Variants in SBF1 observed in about 807,000 individuals in gnomAD.
The protein encoded by SBF1 is myotubularin-related protein 5.
Under a neutral mutation model 215.8 loss-of-function variants are expected in SBF1, and 65 were observed. The observed-to-expected ratio is 0.30, with a 90% CI of 0.25 to 0.37. The LOEUF (loss-of-function observed/expected upper bound fraction) is 0.37, where lower values mean the gene tolerates loss of function less well. Among genes scored for constraint, SBF1 ranks in the 10% least tolerant of loss-of-function variants. The pLI is 1.00. For synonymous variants in SBF1, 1,410 were observed against 1,122.8 expected, an observed-to-expected ratio of 1.26 and a Z score of -5.11; for missense variants, 2,634 against 2,667.8, an observed-to-expected ratio of 0.99 and a Z score of 0.28.
At position 50,460,061 on chromosome 22, in the gene SBF1, G is replaced by A. The variant is rs747913842; in HGVS notation, c.3382C>T (p.Arg1128Cys). ...CCCAGACCGAGGCGCTGGTAGTCGC[G>A]ACAGCAAGCCCTTTCCACCAGGCTG... is the stretch of plus-strand genomic sequence containing the variant. ...MSSLVERACC[R>C]DYQRLGLGTL... The change falls in exon 26 of 41, where the codon CGC (arginine) becomes TGC (cysteine). Residue 1128 changes from arginine (R) to cysteine (C), a missense_variant. Transcript: ENST00000380817. 10 of 1,613,842 alleles carry A rather than the reference G, an allele frequency of 6.2e-6. No homozygotes were observed. The highest frequency in any genetic ancestry group is 5.9e-6 in the Non-Finnish European group (7 of 1,179,984).
rs756241658 is a variant in SBF1, at chr22:50,447,157, G to A, written c.5667C>T (p.Cys1889=). The part of the protein sequence containing the change: ...AQQWVDRIQS[C]LSDA ...GCTGGGAGGCTCAGGCGTCCGACAGGCAGCTCTGGATCCGGTCCACCCACT... is the reference window on the plus strand; with the variant it reads ...GCTGGGAGGCTCAGGCGTCCGACAGACAGCTCTGGATCCGGTCCACCCACT... Residue 1889 remains cysteine, a synonymous_variant, in exon 41 of 41, where the codon TGC becomes TGT. Coordinates refer to ENST00000380817, the MANE Select transcript of SBF1 (RefSeq NM_002972.4). 10 of 1,612,680 alleles carry A rather than the reference G, an allele frequency of 6.2e-6. No homozygotes were observed. In the Admixed American group the frequency reaches 1.7e-4, roughly 27 times the overall value.
At chr22:50,472,697 G>T (rs1409418854) in intron 1 of SBF1, among the ~76,000 whole-genome samples, 1 of 152,198 alleles carries the variant, frequency 6.6e-6, no homozygotes, top group Admixed American at 6.5e-5. Context: ...AAGGGGCAAA[G>T]CAGAGACAAG....
chr22:50,465,833 T>C lies in SBF1; in HGVS notation c.1019A>G (p.Asp340Gly), dbSNP rs1316770439. 1 of 1,612,732 alleles carries C rather than the reference T, an allele frequency of 6.2e-7. No individual in the cohort carries two copies. Among genetic ancestry groups the C allele is most frequent in the East Asian group, 2.2e-5 (1 of 44,864 alleles). ...QTHSVLSMVLDPELELADLAF... is the reference protein window; with the variant it reads ...QTHSVLSMVLGPELELADLAF... The stretch of plus-strand genomic sequence containing the variant: ...GAGGTCAGCCAACTCCAGCTCCGGG[T>C]CCAGGACCTGCCAGCACAGAATGGA... The change falls in exon 10 of 41, where the codon GAC becomes GGC. Residue 340 changes from aspartate to glycine, a missense_variant. Physicochemically the swap from Asp to Gly is moderately conservative, Grantham distance 94 (BLOSUM62 -1). Transcript: ENST00000380817.
Position 50,446,671 on chromosome 22 carries a change from G to GGACCCAGGCACCAGGA in SBF1, c.*455_*470dup. 2.6e-6 allele frequency: 1 copy of GGACCCAGGCACCAGGA among 378,150 alleles called. No individual in the cohort carries two copies. Among genetic ancestry groups the GGACCCAGGCACCAGGA allele is most frequent in the Non-Finnish European group, 5.3e-6 (1 of 189,920 alleles). 23.4% of individuals were successfully genotyped at this position (378,150 alleles called of 1,614,324 possible). A position where few individuals can be genotyped will look rare whatever the true frequency, so the allele number is the denominator to read the frequency against. On this transcript the variant is annotated 3_prime_UTR_variant, in exon 41 of 41. Coordinates refer to ENST00000380817, the MANE Select transcript of SBF1 (RefSeq NM_002972.4). Reference sequence around the variant, plus strand: ...CAGGGACATGCAGGCCGAGCTGGGTGGACCCAGGCACCAGGAGAGGCTCAC... The same window carrying GGACCCAGGCACCAGGA: ...CAGGGACATGCAGGCCGAGCTGGGTGGACCCAGGCACCAGGAGACCCAGGCACCAGGAGAGGCTCAC...
At chr22:50,456,024 T>G in intron 31 of SBF1, 192 bp downstream of exon 31, 1 of 632,752 alleles carries the variant, frequency 1.6e-6, no homozygotes, top group Non-Finnish European at 2.7e-6. Context: ...ACTCTCACTG[T>G]CAGCTGGCCC....
In SBF1 at chr22:50,461,736, C is replaced by G; in HGVS notation, c.2644-18G>C. On this transcript the variant is annotated intron_variant, in intron 21 of 40. Transcript: ENST00000380817. Reference sequence around the variant, plus strand: ...AGCTTGGGCTGCTCGAAAACAAGAGCAGGAGCTCAGGATGCAGCCCGGGCC... The same window carrying G: ...AGCTTGGGCTGCTCGAAAACAAGAGGAGGAGCTCAGGATGCAGCCCGGGCC... 1 of 1,609,544 alleles carries G rather than the reference C, an allele frequency of 6.2e-7. No individual in the cohort carries two copies. The highest frequency in any genetic ancestry group is 8.5e-7 in the Non-Finnish European group (1 of 1,177,956).
chr22:50,472,696 A>G (rs2068038839), intron 1 of SBF1, among the ~76,000 whole-genome samples: 1 of 152,212 alleles, frequency 6.6e-6, no homozygotes, highest in Non-Finnish European at 1.5e-5. Flanking sequence ...CAAGGGGCAA[A>G]GCAGAGACAA....
In SBF1 at chr22:50,464,483, G is replaced by A. The variant is rs114888956; in HGVS notation, c.1637-42C>T. ...CACACACTCGGACCCCTGACCCCAC[G>A]CCCATCCTGGGCCACGCTCGGGGCC... On this transcript the variant is annotated intron_variant, in intron 14 of 40. Coordinates refer to ENST00000380817, the MANE Select transcript of SBF1 (RefSeq NM_002972.4). The A allele has an allele frequency of 4.0e-4, 635 of 1,603,482 alleles. 3 individuals are homozygous for A. In the African/African-American group the frequency reaches 7.0e-3, roughly 18 times the overall value.
At chr22:50,467,495 CCT>C in intron 4 of SBF1, 35 bp downstream of exon 4, 1 of 1,613,708 alleles carries the variant, frequency 6.2e-7, no homozygotes, top group Non-Finnish European at 8.5e-7. Context: ...ATGGAAGCAC[CCT>C]CGTCGTGCCT....
At chr22:50,465,916 TCCCAAAGGC>T in intron 9 of SBF1, 36 bp downstream of exon 9, 4 of 1,610,326 alleles carry the variant, frequency 2.5e-6, no homozygotes, top group Non-Finnish European at 3.4e-6. Flanking sequence ...GGTAGCCACA[TCCCAAAGGC>T]CCCCAAGGCT....
rs1479691263 is a variant in SBF1, at chr22:50,456,257, A to G, written c.4225T>C (p.Ser1409Pro). ...GCPAAEPSPA[S>P]FLRSLEDSEW... ...GAGTCCTCCAGTGAGCGCAGGAAGG[A>G]GGCTGGGCTGGGCTCAGCAGCGGGG... The change falls in exon 31 of 41, where the codon TCC becomes CCC. Residue 1409 changes from serine (S) to proline (P), a missense_variant. Ser to Pro is a moderately conservative substitution (Grantham distance 74, BLOSUM62 -1). Coordinates refer to ENST00000380817, the MANE Select transcript of SBF1 (RefSeq NM_002972.4). 6.2e-7 allele frequency: 1 copy of G among 1,612,464 alleles called. No homozygotes were observed. Among genetic ancestry groups the G allele is most frequent in the Admixed American group, 1.7e-5 (1 of 60,000 alleles).
rs77853747 is a variant in SBF1 at position 50,472,377 on chromosome 22, C to T, written c.55+2409G>A. Among the ~76,000 whole-genome samples, 69 of 152,296 alleles carry T rather than the reference C, an allele frequency of 4.5e-4. No individual in the cohort carries two copies. In the East Asian group the frequency reaches 0.01, roughly 23 times the overall value. ...ATCCAGGCCAAGACAAGCTATCCGC[C>T]AATCCTAATCCCCAACCCAAGAGAC... On this transcript the variant is annotated intron_variant, in intron 1 of 40. Coordinates refer to ENST00000380817, the MANE Select transcript of SBF1 (RefSeq NM_002972.4).
rs200488568 is a variant in SBF1, at chr22:50,454,858, T to C, written c.4768A>G (p.Thr1590Ala). The C allele has an allele frequency of 2.5e-4, 398 of 1,613,988 alleles. 2 individuals are homozygous for C. The highest frequency in any genetic ancestry group is 1.7e-3 in the East Asian group (75 of 44,882). Residue 1590 changes from threonine to alanine, a missense_variant, in exon 35 of 41, where the codon ACG becomes GCG. Physicochemically the swap from Thr to Ala is moderately conservative, Grantham distance 58. Transcript: ENST00000380817. ...WEYVDRLSKRTPVFHNYMYAP... is the reference protein window; with the variant it reads ...WEYVDRLSKRAPVFHNYMYAP... Reference sequence around the variant, plus strand: ...TACATGTAATTGTGGAACACAGGCGTCCTCTTGCTCAGCCGGTCCACATAC... The same window carrying C: ...TACATGTAATTGTGGAACACAGGCGCCCTCTTGCTCAGCCGGTCCACATAC...
chr22:50,472,592 G>C (rs79438937), intron 1 of SBF1, among the ~76,000 whole-genome samples: 1,606 of 152,270 alleles, frequency 0.011, 18 homozygotes, highest in Non-Finnish European at 0.018. Context: ...GCATCCTCAC[G>C]GCAGCCTGGG....
intron 31 of SBF1, 109 bp downstream of exon 31, chr22:50,456,107 T>C: frequency 8.3e-7 from 1 of 1,207,662 alleles, no homozygotes. Context: ...ACCTCCTCCT[T>C]CCAGCGCTCC....
chr22:50,461,802 G>A lies in SBF1; in HGVS notation c.2637C>T (p.Ile879=), dbSNP rs374784611. ...VQRESRRLPP[I]QKPKLLRPRL... ...CCCAACGGCCCCCGCAAACCTTCTG[G>A]ATGGGCGGCAGCCTCCGGCTCTCCC... is the stretch of plus-strand genomic sequence containing the variant. The change falls in exon 21 of 41, where the codon ATC becomes ATT. Residue 879 remains isoleucine, a synonymous_variant. Transcript: ENST00000380817. 2.5e-6 allele frequency: 4 copies of A among 1,613,282 alleles called. No homozygotes were observed. Among genetic ancestry groups the A allele is most frequent in the African/African-American group, 2.7e-5 (2 of 74,956 alleles).
At chr22:50,456,153 T>A in intron 31 of SBF1, 63 bp downstream of exon 31, 1 of 1,546,530 alleles carries the variant, frequency 6.5e-7, no homozygotes, top group Admixed American at 1.8e-5. Flanking sequence ...CCCGTCCACT[T>A]GGCTCTACCC....
rs5770980 is a variant in SBF1, at chr22:50,447,791, T to C, written c.5364-182A>G. 0.68 allele frequency among the ~76,000 whole-genome samples: 102,836 copies of C among 152,188 alleles called. 35,769 individuals carry two copies. The highest frequency in any genetic ancestry group is 0.86 in the East Asian group (4,451 of 5,154). Reference sequence around the variant, plus strand: ...CACAAAGAAGCCTTTGATGGGGGGCTGCAGGCCCAAGAAGACGACGCCCAG... The same window carrying C: ...CACAAAGAAGCCTTTGATGGGGGGCCGCAGGCCCAAGAAGACGACGCCCAG... On this transcript the variant is annotated intron_variant, in intron 38 of 40. Transcript: ENST00000380817.
intron 1 of SBF1, among the ~76,000 whole-genome samples, chr22:50,473,472 C>T (rs1370753321): frequency 9.2e-5 from 14 of 152,160 alleles, no homozygotes. Flanking sequence ...GCGAGAACTC[C>T]CTCTCTAAAG....
Sources: gnomAD v4.1 joint callset for allele counts (sites outside exome capture counted in the v4.1 genomes callset) on GRCh38, gnomAD v4.1.1 for gene constraint, MANE v1.5 for transcripts, NCBI Gene and HGNC (gene_info 2026-07-23, HGNC 2026-07-21) for gene names.